The following CGNL1 variants were observed in gnomAD, a reference collection of about 807,000 sequenced individuals.
CGNL1 encodes cingulin like 1, also known as cingulin-like protein 1.
A neutral mutation model predicts 141.2 loss-of-function variants in CGNL1; 132 were observed. That is an observed-to-expected ratio of 0.93 (90% CI 0.81 to 1.08). The LOEUF (loss-of-function observed/expected upper bound fraction) is 1.08, where lower values mean the gene tolerates loss of function less well. Ranked by LOEUF, CGNL1 falls within the 50% of genes least tolerant of loss-of-function variation. CGNL1 has a pLI of 0.00. For missense variants in CGNL1, 1,870 were observed against 1,588.6 expected, an observed-to-expected ratio of 1.18 and a Z score of -3.01; for synonymous variants, 690 against 622.1, an observed-to-expected ratio of 1.11 and a Z score of -1.63.
intron 1 of CGNL1, among the ~76,000 whole-genome samples, chr15:57,381,501 C>T (rs1384162110): frequency 1.3e-5 from 2 of 152,064 alleles, no homozygotes; most frequent in South Asian, 2.1e-4. Context: ...GTTGAGGCTG[C>T]GGTGAACCAT....
At position 57,550,109 on chromosome 15, in the gene CGNL1, A is replaced by C. The variant is rs1193024907; in HGVS notation, c.*2619A>C. Reference sequence around the variant, plus strand: ...GGTCACTTTTCAAAACACTTGCATCATTACCCTAAAAATAGGCTGTTATGC... The same window carrying C: ...GGTCACTTTTCAAAACACTTGCATCCTTACCCTAAAAATAGGCTGTTATGC... On this transcript the variant is annotated 3_prime_UTR_variant, in exon 19 of 19. Transcript: ENST00000281282. 6.6e-6 allele frequency: 1 copy of C among 152,252 alleles called. No homozygotes were observed. The highest frequency in any genetic ancestry group is 2.4e-5 in the African/African-American group (1 of 41,466). The allele number at this position is 152,252 out of a possible 1,614,324, so 9.4% of individuals were successfully genotyped here.
At chr15:57,476,405 CT>C (rs576299647) in intron 8 of CGNL1, among the ~76,000 whole-genome samples, 1 of 152,122 alleles carries the variant, frequency 6.6e-6, no homozygotes, top group South Asian at 2.1e-4. Context: ...ATTTTTATGC[CT>C]TTTATAGTTT....
chr15:57,413,332 GCATGGT>G (rs2062813735), intron 1 of CGNL1, among the ~76,000 whole-genome samples: 1 of 148,992 alleles, frequency 6.7e-6, no homozygotes, highest in South Asian at 2.2e-4. Context: ...GAGTGCAGTG[GCATGGT>G]CAATCATGGC....
At chr15:57,423,877 C>A (rs1215626991) in intron 1 of CGNL1, among the ~76,000 whole-genome samples, 2 of 152,232 alleles carry the variant, frequency 1.3e-5, no homozygotes, top group Admixed American at 6.5e-5. Context: ...CTGCATCTCT[C>A]ATGTGCTGCC....
chr15:57,546,244 G>A lies in CGNL1; in HGVS notation c.3773+5G>A, dbSNP rs1251766758. ...CTCCATGAAGAAGGACTTAAGGTGGGCAGGTGTGGAGGCCACAGAGGGCCG... is the reference window on the plus strand; with the variant it reads ...CTCCATGAAGAAGGACTTAAGGTGGACAGGTGTGGAGGCCACAGAGGGCCG... On this transcript the variant is annotated splice_donor_5th_base_variant and intron_variant, in intron 18 of 18. Coordinates refer to ENST00000281282, the MANE Select transcript of CGNL1 (RefSeq NM_032866.5). 1.3e-6 allele frequency: 2 copies of A among 1,570,336 alleles called. No individual in the cohort carries two copies.
Position 57,442,182 on chromosome 15 carries a change from G to GGAAAAAAAAAAAAAAAAAAAAAAAAAAA in CGNL1, c.1698-191_1698-190insGAAAAAAAAAAAAAAAAAAAAAAAAAAA, listed in dbSNP as rs1491455852. Among the ~76,000 whole-genome samples, 138 of 96,492 alleles carry GGAAAAAAAAAAAAAAAAAAAAAAAAAAA rather than the reference G, an allele frequency of 1.4e-3. 16 individuals are homozygous for GGAAAAAAAAAAAAAAAAAAAAAAAAAAA. Among genetic ancestry groups the GGAAAAAAAAAAAAAAAAAAAAAAAAAAA allele is most frequent in the Admixed American group, 5.4e-3 (44 of 8,182 alleles). The allele number at this position is 96,492 out of a possible 152,430, so 63.3% of individuals were successfully genotyped here. A position where few individuals can be genotyped will look rare whatever the true frequency, so the allele number is the denominator to read the frequency against. On this transcript the variant is annotated intron_variant, in intron 3 of 18. Coordinates refer to ENST00000281282, the MANE Select transcript of CGNL1 (RefSeq NM_032866.5). ...TTGAGTGGTAACACATCATTTATTT[G>GGAAAAAAAAAAAAAAAAAAAAAAAAAAA]AAAAAAAAAAAAAAAAAAAAAGACA...
Position 57,528,833 on chromosome 15 carries a change from T to A in CGNL1, c.3201+18T>A, listed in dbSNP as rs1485549203. On this transcript the variant is annotated intron_variant, in intron 13 of 18. Transcript: ENST00000281282. ...AGATGGAGGTCTGTGGGCCGTACAG[T>A]GTGAGCTGGGGGACCTGCAGAGAGC... 3 of 1,611,618 alleles carry A rather than the reference T, an allele frequency of 1.9e-6. No individual in the cohort carries two copies. Among genetic ancestry groups the A allele is most frequent in the Non-Finnish European group, 2.5e-6 (3 of 1,179,172 alleles).
rs138595739 is a variant in CGNL1 at position 57,455,194 on chromosome 15, G to C, written c.2190+1376G>C. Among the ~76,000 whole-genome samples, 632 of 151,108 alleles carry C rather than the reference G, an allele frequency of 4.2e-3. 4 individuals are homozygous for C. Among genetic ancestry groups the C allele is most frequent in the African/African-American group, 0.014 (592 of 41,106 alleles). Reference sequence around the variant, plus strand: ...TTTTTTTTCCCTTTTTTGTAATTTTGAAACAAAGATTGTGGGGAACATTTT... The same window carrying C: ...TTTTTTTTCCCTTTTTTGTAATTTTCAAACAAAGATTGTGGGGAACATTTT... On this transcript the variant is annotated intron_variant, in intron 7 of 18. Coordinates refer to ENST00000281282, the MANE Select transcript of CGNL1 (RefSeq NM_032866.5).
intron 8 of CGNL1, among the ~76,000 whole-genome samples, chr15:57,468,873 A>G (rs1372764623): frequency 6.6e-6 from 1 of 152,226 alleles, no homozygotes; most frequent in African/African-American, 2.4e-5. Context: ...TGGTTTTATC[A>G]GGGATTTCCG....
At chr15:57,496,617 A>G (rs1319740210) in intron 8 of CGNL1, among the ~76,000 whole-genome samples, 2 of 152,148 alleles carry the variant, frequency 1.3e-5, no homozygotes, top group Non-Finnish European at 2.9e-5. Flanking sequence ...TCTGTCTTGT[A>G]AAGGAATGAT....
chr15:57,474,655 T>G (rs541429502), intron 8 of CGNL1, among the ~76,000 whole-genome samples: 1 of 152,328 alleles, frequency 6.6e-6, no homozygotes, highest in East Asian at 1.9e-4. Context: ...CTGTTTTTAT[T>G]TCCTCTCTTG....
intron 1 of CGNL1, 132 bp from the exon 2 acceptor site, chr15:57,437,853 G>T (rs1441743467): frequency 2.2e-6 from 2 of 893,958 alleles, no homozygotes; most frequent in Admixed American, 2.3e-5. Context: ...TGGTTCTGAG[G>T]TGTCTTTGCT....
intron 16 of CGNL1, among the ~76,000 whole-genome samples, chr15:57,545,232 T>G (rs1280528015): frequency 1.3e-5 from 2 of 152,158 alleles, no homozygotes; most frequent in Non-Finnish European, 2.9e-5. Flanking sequence ...TTACATTATC[T>G]ATTGTGTTAG....
intron 8 of CGNL1, among the ~76,000 whole-genome samples, chr15:57,463,958 C>T (rs1293596783): frequency 2.6e-5 from 4 of 152,104 alleles, no homozygotes; most frequent in South Asian, 2.1e-4. Flanking sequence ...AGGGTTTCTG[C>T]GGAACCCTGG....
intron 13 of CGNL1, 84 bp from the exon 14 acceptor site, chr15:57,531,606 G>T: frequency 1.2e-6 from 1 of 849,858 alleles, no homozygotes; most frequent in Non-Finnish European, 2.0e-6. Context: ...TTTGCCCTTA[G>T]GATTGTTTCT....
At chr15:57,518,219 A>C (rs1272176377) in intron 9 of CGNL1, among the ~76,000 whole-genome samples, 174 bp from the exon 10 acceptor site, 1 of 152,170 alleles carries the variant, frequency 6.6e-6, no homozygotes, top group East Asian at 1.9e-4. Context: ...GCAGATAAAC[A>C]CACGCATCCA....
Position 57,450,601 on chromosome 15 carries a change from C to T in CGNL1, c.1804-899C>T, listed in dbSNP as rs78750819. On this transcript the variant is annotated intron_variant, in intron 4 of 18. Coordinates refer to ENST00000281282, the MANE Select transcript of CGNL1 (RefSeq NM_032866.5). Reference sequence around the variant, plus strand: ...TCATTGTTGTTTTAATTTGCAATTTCCTAATGACATTGTCTGTGCTTATAA... The same window carrying T: ...TCATTGTTGTTTTAATTTGCAATTTTCTAATGACATTGTCTGTGCTTATAA... Among the ~76,000 whole-genome samples, 711 of 152,152 alleles carry T rather than the reference C, an allele frequency of 4.7e-3. 5 individuals are homozygous for T. The highest frequency in any genetic ancestry group is 0.017 in the African/African-American group (685 of 41,512).
intron 8 of CGNL1, among the ~76,000 whole-genome samples, chr15:57,492,646 GGCAA>G (rs1428009688): frequency 0.011 from 1,663 of 152,058 alleles, 33 homozygotes; most frequent in African/African-American, 0.037. Context: ...TGAGACTTCT[GGCAA>G]AGTGAAAAAG....
At chr15:57,391,489 C>G (rs1567089236) in intron 1 of CGNL1, among the ~76,000 whole-genome samples, 1 of 152,192 alleles carries the variant, frequency 6.6e-6, no homozygotes, top group Non-Finnish European at 1.5e-5. Flanking sequence ...TGTGAGGAGA[C>G]AGACACTCTC....
Sources: allele counts gnomAD v4.1 joint callset (sites outside exome capture counted in the v4.1 genomes callset), GRCh38; gene constraint gnomAD v4.1.1; transcripts MANE v1.5; gene names NCBI Gene and HGNC (gene_info 2026-07-23, HGNC 2026-07-21).